The following PLAGL1 variants were observed in gnomAD, a reference collection of about 807,000 sequenced individuals.
PLAGL1 encodes the protein zinc finger protein PLAGL1.
A neutral mutation model predicts 4.6 loss-of-function variants in PLAGL1; 1 was observed. That is an observed-to-expected ratio of 0.22 (90% CI 0.08 to 1.03). PLAGL1 has a LOEUF of 1.03. Ranked by LOEUF, PLAGL1 falls within the 50% of genes least tolerant of loss-of-function variation. PLAGL1 has a pLI of 0.58. For missense variants in PLAGL1, 464 were observed against 570.4 expected (o/e 0.81, Z 1.90); for synonymous variants, 240 against 237.8 (o/e 1.01, Z -0.08).
At chr6:144,054,711 G>A (rs1363845481) in intron 1 of PLAGL1, among the ~76,000 whole-genome samples, 2 of 150,488 alleles carry the variant, frequency 1.3e-5, no homozygotes, top group Admixed American at 1.3e-4. Context: ...ATATACCTAT[G>A]TAACAAACCT....
intron 1 of PLAGL1, among the ~76,000 whole-genome samples, chr6:144,030,651 C>T (rs956885471): frequency 5.3e-5 from 8 of 152,352 alleles, no homozygotes; most frequent in South Asian, 2.1e-4. Flanking sequence ...CCAATTCCAT[C>T]CAGGTTGCTG....
intron 6 of PLAGL1, among the ~76,000 whole-genome samples, chr6:143,956,914 C>T (rs1263433935): frequency 3.9e-5 from 6 of 152,236 alleles, no homozygotes; most frequent in African/African-American, 1.2e-4. Context: ...CTTCATCTCT[C>T]ACAGGTCTGG....
intron 1 of PLAGL1, among the ~76,000 whole-genome samples, chr6:143,993,357 C>CACACAT (rs1562519821): frequency 6.6e-6 from 1 of 151,808 alleles, no homozygotes; most frequent in African/African-American, 2.4e-5. Context: ...CACACACACA[C>CACACAT]ACACACACAC....
intron 2 of PLAGL1, among the ~76,000 whole-genome samples, chr6:143,981,663 G>A (rs537741416): frequency 2.0e-5 from 3 of 152,122 alleles, no homozygotes; most frequent in South Asian, 2.1e-4. Context: ...TGTGTGTGTC[G>A]GTTTGTTAGG....
chr6:143,946,669 G>A (rs1372755411), intron 7 of PLAGL1, among the ~76,000 whole-genome samples: 2 of 152,156 alleles, frequency 1.3e-5, no homozygotes, highest in East Asian at 3.8e-4. Flanking sequence ...TTCCTCCAGG[G>A]TCACTCCAAG....
In PLAGL1 at chr6:143,962,781, A is replaced by G. The variant is rs936367799; in HGVS notation, c.-399+2006T>C. ...TGGTTTTACTTAAGCAAATTCTCCA[A>G]ACTGACTTTTTTATTTCTAATGATT... On this transcript the variant is annotated intron_variant, in intron 5 of 7. Transcript: ENST00000674357. The surrounding 1 kb of genome is among the most constrained non-coding windows in gnomAD (Gnocchi z 5.3). Among the ~76,000 whole-genome samples the G allele has an allele frequency of 1.3e-5, 2 of 152,196 alleles. No homozygotes were observed. The highest frequency in any genetic ancestry group is 2.9e-5 in the Non-Finnish European group (2 of 68,034).
chr6:144,059,040 C>T lies in PLAGL1; in HGVS notation c.-151+5428G>A, dbSNP rs1262823053. Among the ~76,000 whole-genome samples, 4 of 152,236 alleles carry T rather than the reference C, an allele frequency of 2.6e-5. No individual in the cohort carries two copies. Among genetic ancestry groups the T allele is most frequent in the Non-Finnish European group, 4.4e-5 (3 of 68,038 alleles). ...AGCCCCACATTTTCCCTCTACATTGCCCTACTAGAGTTTCTCTTCAGGGTC... is the reference window on the plus strand; with the variant it reads ...AGCCCCACATTTTCCCTCTACATTGTCCTACTAGAGTTTCTCTTCAGGGTC... On this transcript the variant is annotated intron_variant, in intron 1 of 3. Coordinates refer to the PLAGL1 transcript ENST00000437412. This position sits in a 1 kb window ranked among gnomAD's most constrained non-coding sequence, Gnocchi z 4.9.
rs1562393624 is a variant in PLAGL1 at position 143,948,738 on chromosome 6, T to C, written c.-324-278A>G. 6.7e-6 allele frequency among the ~76,000 whole-genome samples: 1 copy of C among 150,244 alleles called. No individual in the cohort carries two copies. Among genetic ancestry groups the C allele is most frequent in the East Asian group, 2.0e-4 (1 of 5,120 alleles). On this transcript the variant is annotated intron_variant, in intron 6 of 7. Transcript: ENST00000674357. This position sits in a 1 kb window ranked among gnomAD's most constrained non-coding sequence, Gnocchi z 6.0. ...TCCAGTATTATCTATTTCAGGTCAG[T>C]GTGAAGCTCCATTGACCAAAGAGAA...
At chr6:144,013,007 A>T (rs1010445724), upstream of PLAGL1, among the ~76,000 whole-genome samples, 1 of 152,202 alleles carries the variant, frequency 6.6e-6, no homozygotes, top group African/African-American at 2.4e-5. This position sits in a 1 kb window ranked among gnomAD's most constrained non-coding sequence, Gnocchi z 4.4. Context: ...AATTTTGGAA[A>T]CACTGCAGAG....
chr6:144,045,593 C>T (rs922256709), intron 1 of PLAGL1, among the ~76,000 whole-genome samples: 3 of 152,142 alleles, frequency 2.0e-5, no homozygotes, highest in Non-Finnish European at 4.4e-5. Context: ...GTGGGTAACC[C>T]GACCTTTCTC....
Position 143,970,392 on chromosome 6 carries a change from A to G in PLAGL1, c.-543-1414T>C, listed in dbSNP as rs940702445. 6.6e-6 allele frequency among the ~76,000 whole-genome samples: 1 copy of G among 152,222 alleles called. No homozygotes were observed. The highest frequency in any genetic ancestry group is 1.5e-5 in the Non-Finnish European group (1 of 68,032). ...TTTTAACAACCTCATTAACATACAA[A>G]TGATTAACTACAAATGATTAGGTAT... On this transcript the variant is annotated intron_variant, in intron 2 of 7. Coordinates refer to ENST00000674357, the MANE Select transcript of PLAGL1 (RefSeq NM_001317162.2). The surrounding 1 kb of genome is among the most constrained non-coding windows in gnomAD (Gnocchi z 5.8).
At chr6:144,033,283 C>G (rs960226415) in intron 1 of PLAGL1, among the ~76,000 whole-genome samples, 1 of 152,210 alleles carries the variant, frequency 6.6e-6, no homozygotes, top group African/African-American at 2.4e-5. Flanking sequence ...TTTTTACCTA[C>G]AGACCTAGGG....
In PLAGL1 at chr6:143,955,369, C is replaced by T. The variant is rs534466945; in HGVS notation, c.-325+5100G>A. Among the ~76,000 whole-genome samples, 5 of 152,234 alleles carry T rather than the reference C, an allele frequency of 3.3e-5. No homozygotes were observed. The highest frequency in any genetic ancestry group is 2.1e-4 in the South Asian group (1 of 4,822). ...AAAACAGGCTAGAGAGATGGAGAATCGTGAAGGGTCCACTCTACAAGGGGA... is the reference window on the plus strand; with the variant it reads ...AAAACAGGCTAGAGAGATGGAGAATTGTGAAGGGTCCACTCTACAAGGGGA... On this transcript the variant is annotated intron_variant, in intron 6 of 7. Transcript: ENST00000674357. The surrounding 1 kb of genome is among the most constrained non-coding windows in gnomAD (Gnocchi z 4.9).
chr6:143,962,442 T>C lies in PLAGL1; in HGVS notation c.-398-1900A>G, dbSNP rs1335198990. On this transcript the variant is annotated intron_variant, in intron 5 of 7. Transcript: ENST00000674357. The surrounding 1 kb of genome is among the most constrained non-coding windows in gnomAD (Gnocchi z 5.3). ...TCCAGAGTAACAAGAAGAATCACATTTTTGTGGGAGTGAAGACTGGCAGAT... is the reference window on the plus strand; with the variant it reads ...TCCAGAGTAACAAGAAGAATCACATCTTTGTGGGAGTGAAGACTGGCAGAT... Among the ~76,000 whole-genome samples the C allele has an allele frequency of 6.6e-6, 1 of 152,224 alleles. No individual in the cohort carries two copies. Among genetic ancestry groups the C allele is most frequent in the African/African-American group, 2.4e-5 (1 of 41,458 alleles).
chr6:144,024,191 T>C (rs1583756228), intron 1 of PLAGL1, among the ~76,000 whole-genome samples: 1 of 152,332 alleles, frequency 6.6e-6, no homozygotes. Context: ...CTACATGCAG[T>C]GACACTCTGC....
At chr6:143,988,987 C>T (rs965035756) in intron 1 of PLAGL1, among the ~76,000 whole-genome samples, 2 of 152,064 alleles carry the variant, frequency 1.3e-5, no homozygotes, top group South Asian at 2.1e-4. Flanking sequence ...AGACAGGTCA[C>T]GTATGTTTGA....
chr6:143,948,311 G>C lies in PLAGL1; in HGVS notation c.-175C>G, dbSNP rs1780256926. ...CTACCCAGACATGGACCTCTCAGCT[G>C]TCACTAGCTTTGCTTCCTGCTTTCA... On this transcript the variant is annotated 5_prime_UTR_variant, in exon 7 of 8. Transcript: ENST00000674357. The surrounding 1 kb of genome is among the most constrained non-coding windows in gnomAD (Gnocchi z 6.0). The C allele has an allele frequency of 6.9e-6, 4 of 581,062 alleles. No individual in the cohort carries two copies. In the South Asian group the frequency reaches 8.5e-5, roughly 12 times the overall value. 36.0% of individuals were successfully genotyped at this position (581,062 alleles called of 1,614,324 possible).
rs1780165712 is a variant in PLAGL1 at position 143,948,011 on chromosome 6, G to A, written c.126C>T (p.Ala42=). 3 of 1,613,970 alleles carry A rather than the reference G, an allele frequency of 1.9e-6. No homozygotes were observed. Among genetic ancestry groups the A allele is most frequent in the South Asian group, 1.1e-5 (1 of 91,088 alleles). The part of the protein sequence containing the change: ...YKCVQPDCGK[A]FVSRYKLMRH... ...TCATCAATTTATATCTGGAAACAAAGGCTTTGCCACAGTCAGGCTGCACAC... is the reference window on the plus strand; with the variant it reads ...TCATCAATTTATATCTGGAAACAAAAGCTTTGCCACAGTCAGGCTGCACAC... Residue 42 remains alanine (A), a synonymous_variant, in exon 7 of 8, where the codon GCC becomes GCT. Coordinates refer to ENST00000674357, the MANE Select transcript of PLAGL1 (RefSeq NM_001317162.2). This position sits in a 1 kb window ranked among gnomAD's most constrained non-coding sequence, Gnocchi z 6.0.
At chr6:144,062,105 C>T (rs140897529) in intron 1 of PLAGL1, among the ~76,000 whole-genome samples, 85 of 152,210 alleles carry the variant, frequency 5.6e-4, no homozygotes, top group African/African-American at 1.9e-3. Flanking sequence ...GGGCCGGGCA[C>T]GGTGGCTCAT....
Sources: gnomAD v4.1 joint callset for allele counts (sites outside exome capture counted in the v4.1 genomes callset) on GRCh38, gnomAD v4.1.1 for gene constraint, Gnocchi (gnomAD v3.1) non-coding constraint, MANE v1.5 for transcripts, NCBI Gene and HGNC (gene_info 2026-07-23, HGNC 2026-07-21) for gene names.